Variants in INTS2 observed in about 807,000 individuals in gnomAD.
INTS2 encodes integrator complex subunit 2.
In INTS2, 57 loss-of-function variants were observed where a neutral mutation model predicts 139.6. The ratio of observed to expected loss-of-function variants is 0.41; its 90% CI spans 0.33 to 0.51. The LOEUF is 0.51. INTS2 is among the 20% of genes least tolerant of loss of function. The pLI, the probability that INTS2 is intolerant of heterozygous loss-of-function variation, is 0.28. For missense variants in INTS2, 1,196 were observed against 1,436.7 expected (o/e 0.83, Z 2.71); for synonymous variants, 473 against 493.4 (o/e 0.96, Z 0.55).
rs1473054957 is a variant in INTS2 at position 61,882,836 on chromosome 17, A to G, written c.2090-1665T>C. ...GTACCTAATAAATATTGTTGCTACC[A>G]TACTATTATCATCATAACAGTAAGA... On this transcript the variant is annotated intron_variant, in intron 16 of 24. Coordinates refer to ENST00000251334, the MANE Select transcript of INTS2 (RefSeq NM_001351695.2). This position sits in a 1 kb window ranked among gnomAD's most constrained non-coding sequence, Gnocchi z 4.7. Among the ~76,000 whole-genome samples, 1 of 152,232 alleles carries G rather than the reference A, an allele frequency of 6.6e-6. No individual in the cohort carries two copies. The highest frequency in any genetic ancestry group is 1.5e-5 in the Non-Finnish European group (1 of 68,036).
rs776312760 is a variant in INTS2 at position 61,926,306 on chromosome 17, GTTCT to G, written c.293+42_293+45del. 20 of 1,440,172 alleles carry G rather than the reference GTTCT, an allele frequency of 1.4e-5. No individual in the cohort carries two copies. The Middle Eastern group carries it at 5.5e-4, about 40-fold the overall frequency. 89.2% of individuals were successfully genotyped at this position (1,440,172 alleles called of 1,614,324 possible). On this transcript the variant is annotated intron_variant, in intron 2 of 24. Transcript: ENST00000251334. ...AGCTCTAAAAAATATCTGATTCCCT[GTTCT>G]TTGTCAAATCCAAATCCACATATAA...
At chr17:61,915,488 T>C (rs1239606994) in intron 5 of INTS2, among the ~76,000 whole-genome samples, 3 of 150,096 alleles carry the variant, frequency 2.0e-5, no homozygotes, top group Admixed American at 2.0e-4. Context: ...ATTGCGCCAC[T>C]GCACTCCAGC....
At chr17:61,906,962 T>TAAAAAA (rs2079471083) in intron 8 of INTS2, among the ~76,000 whole-genome samples, 1 of 17,760 alleles carries the variant, frequency 5.6e-5, no homozygotes, top group East Asian at 5.1e-3. Context: ...AGATTCCATC[T>TAAAAAA]CAAAAAAAAA....
At chr17:61,891,963 A>C (rs2079299414) in intron 13 of INTS2, among the ~76,000 whole-genome samples, 1 of 152,164 alleles carries the variant, frequency 6.6e-6, no homozygotes, top group South Asian at 2.1e-4. Context: ...AAACATTTTA[A>C]GTCCCTACCA....
intron 14 of INTS2, 71 bp downstream of exon 14, chr17:61,891,441 TA>T: frequency 8.4e-7 from 1 of 1,195,110 alleles, no homozygotes; most frequent in Non-Finnish European, 1.2e-6. Context: ...GATAGGAAAA[TA>T]AAAATATGGG....
At chr17:61,888,329 C>T (rs1030466387) in intron 15 of INTS2, among the ~76,000 whole-genome samples, 1 of 152,124 alleles carries the variant, frequency 6.6e-6, no homozygotes, top group Non-Finnish European at 1.5e-5. Context: ...GTTCATGCCA[C>T]TGCACTCCAG....
rs2079101113 is a variant in INTS2, at chr17:61,872,982, T to C, written c.2583-522A>G. On this transcript the variant is annotated intron_variant, in intron 19 of 24. Transcript: ENST00000251334. This position sits in a 1 kb window ranked among gnomAD's most constrained non-coding sequence, Gnocchi z 4.8. ...GAAAGTATATACTATCAAACACTGC[T>C]ATGGAATGTAAACCAGTTCAGCCTT... Among the ~76,000 whole-genome samples the C allele has an allele frequency of 6.6e-6, 1 of 152,196 alleles. No individual in the cohort carries two copies. Among genetic ancestry groups the C allele is most frequent in the Non-Finnish European group, 1.5e-5 (1 of 68,036 alleles).
In INTS2 at chr17:61,867,884, A is replaced by G. The variant is rs1444803335; in HGVS notation, c.3370T>C (p.Cys1124Arg). The change falls in exon 24 of 25, where the codon TGT (cysteine) becomes CGT (arginine). Residue 1124 changes from cysteine to arginine, a missense_variant. Cys to Arg is a radical substitution (Grantham distance 180). This residue lies in a region of INTS2 where 1,129 missense variants were observed against 1,341.9 expected (regional missense o/e 0.84). Transcript: ENST00000251334. The surrounding 1 kb of genome is among the most constrained non-coding windows in gnomAD (Gnocchi z 5.6). ...MSLLIQIGQV[C>R]ASDVATQTRD... is the part of the protein sequence containing the mutation. ...GTCTGAGTGGCAACATCAGAGGCAC[A>G]AACTTGCCCTATTTGGATCAGCAAA... 6.2e-7 allele frequency: 1 copy of G among 1,609,704 alleles called. No homozygotes were observed. The highest frequency in any genetic ancestry group is 8.5e-7 in the Non-Finnish European group (1 of 1,178,696).
At chr17:61,918,310 C>T (rs565678346) in intron 5 of INTS2, among the ~76,000 whole-genome samples, 2 of 152,134 alleles carry the variant, frequency 1.3e-5, no homozygotes, top group African/African-American at 2.4e-5. Flanking sequence ...TGGCACATAT[C>T]GGCTCGCTGC....
At position 61,869,664 on chromosome 17, in the gene INTS2, C is replaced by G; in HGVS notation, c.3030+73G>C. On this transcript the variant is annotated intron_variant, in intron 21 of 24. Coordinates refer to ENST00000251334, the MANE Select transcript of INTS2 (RefSeq NM_001351695.2). This position sits in a 1 kb window ranked among gnomAD's most constrained non-coding sequence, Gnocchi z 5.4. ...GTTTTCTCTGGTTTCTAAATGATCCCTGTTAATATAGTATTCAAAGCCCCC... is the reference window on the plus strand; with the variant it reads ...GTTTTCTCTGGTTTCTAAATGATCCGTGTTAATATAGTATTCAAAGCCCCC... 6.6e-7 allele frequency: 1 copy of G among 1,505,224 alleles called. No individual in the cohort carries two copies. Among genetic ancestry groups the G allele is most frequent in the Non-Finnish European group, 9.1e-7 (1 of 1,103,260 alleles). The allele number at this position is 1,505,224 out of a possible 1,614,324, so 93.2% of individuals were successfully genotyped here.
chr17:61,921,223 T>C (rs2079637633), intron 4 of INTS2: 1 of 152,270 alleles, frequency 6.6e-6, no homozygotes, highest in Admixed American at 6.5e-5. Context: ...TTCACAGGCC[T>C]GTAGTCCCAG....
At chr17:61,907,341 C>A in intron 8 of INTS2, 67 bp downstream of exon 8, 2 of 1,351,178 alleles carry the variant, frequency 1.5e-6, no homozygotes, top group East Asian at 2.5e-5. Flanking sequence ...GCCTTTGGCT[C>A]ACTTTCTTGA....
At chr17:61,911,376 A>AT in intron 7 of INTS2, 144 bp downstream of exon 7, 2 of 588,118 alleles carry the variant, frequency 3.4e-6, no homozygotes, top group South Asian at 9.6e-5. Flanking sequence ...ATCCTTAGTG[A>AT]TTTTTTAAAA....
At chr17:61,887,738 C>T (rs1242447046) in intron 15 of INTS2, among the ~76,000 whole-genome samples, 3 of 151,864 alleles carry the variant, frequency 2.0e-5, no homozygotes, top group Non-Finnish European at 4.4e-5. Context: ...ATCAAAGACA[C>T]AGAAAATGTC....
At position 61,868,145 on chromosome 17, in the gene INTS2, G is replaced by C. The variant is rs2079061214; in HGVS notation, c.3245-136C>G. The stretch of plus-strand genomic sequence containing the variant: ...AACACAGCCAACCCGTCTTCAGAAA[G>C]CTCACAATCTAGTAGTCTCAGTCTT... On this transcript the variant is annotated intron_variant, in intron 23 of 24. Coordinates refer to ENST00000251334, the MANE Select transcript of INTS2 (RefSeq NM_001351695.2). The surrounding 1 kb of genome is among the most constrained non-coding windows in gnomAD (Gnocchi z 4.7). The C allele has an allele frequency of 1.7e-6, 1 of 604,314 alleles. No individual in the cohort carries two copies. The allele number at this position is 604,314 out of a possible 1,614,324, so 37.4% of individuals were successfully genotyped here.
In INTS2 at chr17:61,907,445, G is replaced by GT; in HGVS notation, c.1143dup (p.Arg382ThrfsTer16). 3 of 1,598,460 alleles carry GT rather than the reference G, an allele frequency of 1.9e-6. No homozygotes were observed. The highest frequency in any genetic ancestry group is 1.1e-5 in the South Asian group (1 of 87,608). The stretch of plus-strand genomic sequence containing the variant: ...ATCCCCATCAAAGCACAGTACAGAC[G>GT]TAAGAGTGCACTGGCTTTCACAACA... On this transcript the variant is annotated frameshift_variant, in exon 8 of 25. Coordinates refer to ENST00000251334, the MANE Select transcript of INTS2 (RefSeq NM_001351695.2). LOFTEE classifies it high-confidence loss of function.
intron 9 of INTS2, among the ~76,000 whole-genome samples, chr17:61,902,411 C>T (rs977137608): frequency 6.6e-6 from 1 of 152,098 alleles, no homozygotes; most frequent in Non-Finnish European, 1.5e-5. Flanking sequence ...TCTTTTCCTT[C>T]CCCTCAATCT....
rs1451826006 is a variant in INTS2 at position 61,904,530 on chromosome 17, CAGG to C, written c.1234_1236del (p.Pro412del). 6.2e-7 allele frequency: 1 copy of C among 1,612,114 alleles called. No individual in the cohort carries two copies. The highest frequency in any genetic ancestry group is 1.3e-5 in the African/African-American group (1 of 74,876). ...ACAAAGCGAACCCCAGCTGGCGTAG[CAGG>C]AGGACGGCTCGTCATCAACTGCAGT... On this transcript the variant is annotated inframe_deletion, in exon 9 of 25. Coordinates refer to ENST00000251334, the MANE Select transcript of INTS2 (RefSeq NM_001351695.2).
At chr17:61,881,239 C>T (rs2079175743) in intron 16 of INTS2, 68 bp from the exon 17 acceptor site, 1 of 1,210,096 alleles carries the variant, frequency 8.3e-7, no homozygotes. Flanking sequence ...CCACCCCTCT[C>T]ATTTTTATCA....
Sources: allele counts gnomAD v4.1 joint callset (sites outside exome capture counted in the v4.1 genomes callset), GRCh38; gene constraint gnomAD v4.1.1; regional missense constraint gnomAD v4.1.1; non-coding constraint Gnocchi (gnomAD v3.1); transcripts MANE v1.5; gene names NCBI Gene and HGNC (gene_info 2026-07-23, HGNC 2026-07-21).